Variants in IQCE observed in about 807,000 individuals in gnomAD.
IQCE encodes the protein IQ motif containing E, also known as IQ domain-containing protein E.
IQCE carries 115 observed loss-of-function variants against 96.0 expected under a neutral mutation model. The ratio of observed to expected loss-of-function variants is 1.20; its 90% CI spans 1.03 to 1.40. IQCE has a LOEUF of 1.40. Ranked by LOEUF, IQCE falls within the 40% of genes most tolerant of loss-of-function variation. The pLI is 0.00. For missense variants in IQCE, 1,041 were observed against 909.1 expected (o/e 1.15, Z -1.87); for synonymous variants, 412 against 371.2 (o/e 1.11, Z -1.26).
At position 2,608,965 on chromosome 7, in the gene IQCE, G is replaced by A. The variant is rs752595936; in HGVS notation, c.1970-1079G>A. 9.9e-5 allele frequency among the ~76,000 whole-genome samples: 15 copies of A among 152,196 alleles called. 1 individual carries two copies. The highest frequency in any genetic ancestry group is 7.9e-4 in the Admixed American group (12 of 15,278). On this transcript the variant is annotated intron_variant, in intron 21 of 21. Coordinates refer to ENST00000402050, the MANE Select transcript of IQCE (RefSeq NM_152558.5). ...AAGCTGACACAGTTACAGTATCTGC[G>A]GCATGGCCGAATTGCCATTTCCTTC...
Position 2,593,086 on chromosome 7 carries a change from G to C in IQCE, c.1309G>C (p.Glu437Gln). The C allele has an allele frequency of 6.2e-7, 1 of 1,612,874 alleles. No homozygotes were observed. The change falls in exon 15 of 22, where the codon GAG becomes CAG. Residue 437 changes from glutamate to glutamine, a missense_variant. Glu to Gln is a conservative substitution (Grantham distance 29). Transcript: ENST00000402050. ...GGAGAAGGAGCTGGAGTGCGCGAGG[G>C]AGGGCGAGGAGGAGAGGAGAGAGCG... ...DLEKELECAREGEEERREREE... is the reference protein window; with the variant it reads ...DLEKELECARQGEEERREREE...
chr7:2,561,934 T>C (rs181224561), intron 1 of IQCE, among the ~76,000 whole-genome samples: 1 of 152,304 alleles, frequency 6.6e-6, no homozygotes, highest in Non-Finnish European at 1.5e-5. Context: ...CAAGTATAAT[T>C]TGAATTGAAG....
intron 15 of IQCE, among the ~76,000 whole-genome samples, chr7:2,593,568 G>A (rs868045729): frequency 3.3e-5 from 5 of 152,262 alleles, no homozygotes; most frequent in South Asian, 2.1e-4. Context: ...CAGAGTGGAC[G>A]GAAGCCCTGA....
chr7:2,566,595 G>C (rs1781395272), intron 1 of IQCE: 1 of 161,754 alleles, frequency 6.2e-6, no homozygotes. Context: ...GAGTAGCTGG[G>C]ACTACAGGTG....
intron 3 of IQCE, among the ~76,000 whole-genome samples, chr7:2,570,246 G>C (rs527846402): frequency 6.6e-6 from 1 of 152,114 alleles, no homozygotes; most frequent in East Asian, 1.9e-4. Context: ...TCAAACGCTG[G>C]CATCTCTCCA....
chr7:2,596,037 C>T (rs1465292513), intron 16 of IQCE, among the ~76,000 whole-genome samples: 4 of 152,260 alleles, frequency 2.6e-5, no homozygotes, highest in African/African-American at 9.6e-5. Flanking sequence ...TGAGCCCATG[C>T]ATGTTCAGAC....
At chr7:2,565,735 C>T (rs79855247) in intron 1 of IQCE, among the ~76,000 whole-genome samples, 2,100 of 152,244 alleles carry the variant, frequency 0.014, 24 homozygotes, top group Non-Finnish European at 0.021. Flanking sequence ...AGGAAAACTT[C>T]TCTCTATAAT....
Position 2,584,221 on chromosome 7 carries a change from A to T in IQCE, c.775-15A>T. Reference sequence around the variant, plus strand: ...TAGCCTTGTGTTTTCATGCATTTCAATTTGGTATTTACAGGTGCATCGTCT... The same window carrying T: ...TAGCCTTGTGTTTTCATGCATTTCATTTTGGTATTTACAGGTGCATCGTCT... On this transcript the variant is annotated splice_polypyrimidine_tract_variant and intron_variant, in intron 10 of 21. Transcript: ENST00000402050. 1 of 1,612,256 alleles carries T rather than the reference A, an allele frequency of 6.2e-7. No individual in the cohort carries two copies. The highest frequency in any genetic ancestry group is 8.5e-7 in the Non-Finnish European group (1 of 1,178,312).
In IQCE at chr7:2,589,987, C is replaced by T; in HGVS notation, c.1125C>T (p.Ser375=). Residue 375 remains serine, a synonymous_variant, in exon 14 of 22, where the codon AGC becomes AGT. Coordinates refer to ENST00000402050, the MANE Select transcript of IQCE (RefSeq NM_152558.5). Reference sequence around the variant, plus strand: ...ACCCGCCAGCCTGCCTTGCATCCAGCTCTGCGCTGCACAGACAGCCACGAG... The same window carrying T: ...ACCCGCCAGCCTGCCTTGCATCCAGTTCTGCGCTGCACAGACAGCCACGAG... The part of the protein sequence containing the change: ...RSHPPACLAS[S]SALHRQPRGD... 6.2e-7 allele frequency: 1 copy of T among 1,613,998 alleles called. No homozygotes were observed. The highest frequency in any genetic ancestry group is 8.5e-7 in the Non-Finnish European group (1 of 1,180,032).
intron 8 of IQCE, 26 bp downstream of exon 8, chr7:2,578,552 G>C (rs1375687557): frequency 6.2e-7 from 1 of 1,613,418 alleles, no homozygotes; most frequent in Admixed American, 1.7e-5. Context: ...GCAGGACAGA[G>C]CCTTTCCCCA....
rs960799667 is a variant in IQCE, at chr7:2,590,055, G to C, written c.1193G>C (p.Arg398Thr). 25 of 1,613,488 alleles carry C rather than the reference G, an allele frequency of 1.5e-5. No individual in the cohort carries two copies. Among genetic ancestry groups the C allele is most frequent in the Non-Finnish European group, 1.9e-5 (23 of 1,179,944 alleles). ...CACGAGCGTCTCCGAGGGGCTGTGA[G>C]AGACCTGAAGGAAGAGCGGACCGCG... ...KDHERLRGAVRDLKEERTALQ... is the reference protein window; with the variant it reads ...KDHERLRGAVTDLKEERTALQ... Residue 398 changes from arginine to threonine, a missense_variant, in exon 14 of 22, where the codon AGA becomes ACA. Physicochemically the swap from Arg to Thr is moderately conservative, Grantham distance 71 (BLOSUM62 -1). Transcript: ENST00000402050.
chr7:2,609,276 T>C (rs6949935), intron 21 of IQCE, among the ~76,000 whole-genome samples: 61,445 of 151,424 alleles, frequency 0.41, 13,019 homozygotes, highest in East Asian at 0.51. Context: ...TCCTGCCCTC[T>C]ATACCAGTGG....
At chr7:2,559,466 C>G (rs1187974417) in intron 1 of IQCE, 1 of 262,402 alleles carries the variant, frequency 3.8e-6, no homozygotes, top group Non-Finnish European at 7.1e-6. Flanking sequence ...GGACGCCGCG[C>G]CCTCGCCTCT....
chr7:2,577,379 GCGCGCAT>G (rs1782221790), intron 6 of IQCE, among the ~76,000 whole-genome samples: 1 of 124,750 alleles, frequency 8.0e-6, no homozygotes, highest in Non-Finnish European at 1.9e-5. Context: ...TGTGCGGCGT[GCGCGCAT>G]TGGCGTGTGC....
chr7:2,573,231 T>A (rs1254718217), intron 5 of IQCE, among the ~76,000 whole-genome samples, 187 bp from the exon 6 acceptor site: 3 of 152,258 alleles, frequency 2.0e-5, no homozygotes, highest in Admixed American at 2.0e-4. Context: ...CTACCATTTT[T>A]GCTTTTCTTG....
Position 2,571,609 on chromosome 7 carries a change from G to A in IQCE, c.214G>A (p.Ala72Thr), listed in dbSNP as rs1277706240. ...AGGGAGCATGCCTCTGGGCGGCCGA[G>A]CGTCCCTGACCCCGCAGAAGCTGTG... ...TAGSMPLGGR[A>T]SLTPQKLWLG... The change falls in exon 4 of 22, where the codon GCG becomes ACG. Residue 72 changes from alanine to threonine, a missense_variant. Coordinates refer to ENST00000402050, the MANE Select transcript of IQCE (RefSeq NM_152558.5). 1.2e-6 allele frequency: 2 copies of A among 1,601,716 alleles called. No homozygotes were observed. Among genetic ancestry groups the A allele is most frequent in the Non-Finnish European group, 1.7e-6 (2 of 1,179,956 alleles).
chr7:2,597,268 A>C (rs1784113753), intron 16 of IQCE: 1 of 390,870 alleles, frequency 2.6e-6, no homozygotes. Flanking sequence ...TGCCTTCTGG[A>C]GTGTGGGGCC....
In IQCE at chr7:2,586,204, C is replaced by T. The variant is rs2257285; in HGVS notation, c.825-4C>T. On this transcript the variant is annotated splice_polypyrimidine_tract_variant and splice_region_variant and intron_variant, in intron 11 of 21. Transcript: ENST00000402050. ...AACCTCAGTCCACGATTTGGTTGTT[C>T]CAGGCCCCTGGGGGAGAAGAAGACG... The T allele has an allele frequency of 0.17, 276,521 of 1,610,686 alleles. 26,469 individuals are homozygous for T. Among genetic ancestry groups the T allele is most frequent in the East Asian group, 0.34 (15,395 of 44,816 alleles).
intron 8 of IQCE, 117 bp from the exon 9 acceptor site, chr7:2,582,463 A>C: frequency 2.4e-4 from 182 of 771,874 alleles, no homozygotes; most frequent in Non-Finnish European, 3.4e-4. Context: ...AGAAGAGAGC[A>C]CAGCGCTGGA....
Sources: allele counts gnomAD v4.1 joint callset (sites outside exome capture counted in the v4.1 genomes callset), GRCh38; gene constraint gnomAD v4.1.1; transcripts MANE v1.5; gene names NCBI Gene and HGNC (gene_info 2026-07-23, HGNC 2026-07-21).